PRDM6: variants seen among roughly 807,000 people sequenced by gnomAD.
PRDM6 encodes putative histone-lysine N-methyltransferase PRDM6.
A neutral mutation model predicts 60.8 loss-of-function variants in PRDM6; 25 were observed. The observed-to-expected ratio is 0.41, with a 90% CI of 0.30 to 0.57. The LOEUF is 0.57. Ranked by LOEUF, PRDM6 falls within the 20% of genes least tolerant of loss-of-function variation. The pLI is 0.27. For missense variants in PRDM6, 839 were observed against 821.3 expected, an observed-to-expected ratio of 1.02 and a Z score of -0.26; for synonymous variants, 407 against 357.4, an observed-to-expected ratio of 1.14 and a Z score of -1.57.
chr5:123,172,981 G>A (rs922124786), intron 6 of PRDM6, among the ~76,000 whole-genome samples: 1 of 152,150 alleles, frequency 6.6e-6, no homozygotes, highest in Non-Finnish European at 1.5e-5. Context: ...CACGAGGTCA[G>A]GAGATCCAGA....
chr5:123,142,258 C>T (rs964673782), intron 3 of PRDM6, among the ~76,000 whole-genome samples: 1 of 151,680 alleles, frequency 6.6e-6, no homozygotes, highest in African/African-American at 2.4e-5. Context: ...TTCATAGGGT[C>T]ATGGAAATGG....
chr5:123,101,970 T>C (rs1336792507), intron 3 of PRDM6, among the ~76,000 whole-genome samples: 1 of 152,204 alleles, frequency 6.6e-6, no homozygotes, highest in Admixed American at 6.5e-5. Context: ...TCAGGGCATG[T>C]GAGTTGAGTG....
intron 5 of PRDM6, among the ~76,000 whole-genome samples, chr5:123,168,355 A>G (rs1248881867): frequency 1.3e-5 from 2 of 152,190 alleles, no homozygotes; most frequent in Admixed American, 1.3e-4. Flanking sequence ...ATTTCGAAAC[A>G]CAGCTATTGA....
intron 5 of PRDM6, among the ~76,000 whole-genome samples, chr5:123,167,333 G>A (rs975122143): frequency 6.7e-6 from 1 of 150,120 alleles, no homozygotes; most frequent in Non-Finnish European, 1.5e-5. Flanking sequence ...ACATTCTTTT[G>A]TTTTAATATA....
In PRDM6 at chr5:123,090,639, G is replaced by C. The variant is rs976008696; in HGVS notation, c.592+33G>C. On this transcript the variant is annotated intron_variant, in intron 2 of 7. Transcript: ENST00000407847. ...GCCGCAGCCCGCGCGCTCTCTCCCG[G>C]GGCGCCGGCGCCGGCGCCGGCGGGC... 3.4e-6 allele frequency: 5 copies of C among 1,453,330 alleles called. No homozygotes were observed. In the African/African-American group the frequency reaches 5.9e-5, roughly 17 times the overall value. 90.0% of individuals were successfully genotyped at this position (1,453,330 alleles called of 1,614,324 possible).
intron 5 of PRDM6, among the ~76,000 whole-genome samples, chr5:123,168,594 G>A (rs1346876820): frequency 1.3e-5 from 2 of 152,204 alleles, no homozygotes; most frequent in African/African-American, 2.4e-5. Context: ...TTTAAAAAAT[G>A]TAGATGCCCA....
At chr5:123,162,272 G>A (rs1765652605) in intron 5 of PRDM6, among the ~76,000 whole-genome samples, 1 of 152,180 alleles carries the variant, frequency 6.6e-6, no homozygotes, top group Non-Finnish European at 1.5e-5. Context: ...TGAGGGGTTG[G>A]AGTAGAGCAT....
intron 3 of PRDM6, among the ~76,000 whole-genome samples, chr5:123,134,782 G>A (rs1199267835): frequency 6.6e-6 from 1 of 152,074 alleles, no homozygotes; most frequent in African/African-American, 2.4e-5. Flanking sequence ...TTAATTCTTT[G>A]AGTACATTTA....
At chr5:123,095,534 A>C (rs968930940) in intron 2 of PRDM6, among the ~76,000 whole-genome samples, 1 of 152,220 alleles carries the variant, frequency 6.6e-6, no homozygotes, top group African/African-American at 2.4e-5. Context: ...CGGCACTGCC[A>C]GCAGGCGGCA....
intron 6 of PRDM6, among the ~76,000 whole-genome samples, chr5:123,175,278 G>A (rs1765979735): frequency 6.6e-6 from 1 of 150,734 alleles, no homozygotes; most frequent in Non-Finnish European, 1.5e-5. Context: ...CTTTTTGACT[G>A]TTTGTGCCAC....
rs1764058868 is a variant in PRDM6, at chr5:123,099,853, G to A, written c.792G>A (p.Ala264=). 5 of 1,550,524 alleles carry A rather than the reference G, an allele frequency of 3.2e-6. No homozygotes were observed. The highest frequency in any genetic ancestry group is 4.4e-6 in the Non-Finnish European group (5 of 1,146,778). Reference sequence around the variant, plus strand: ...CCGGCCTGGCCTACGGCATCTGCGCGGCGCAGAGGATCCAGCAAGGCACCT... The same window carrying A: ...CCGGCCTGGCCTACGGCATCTGCGCAGCGCAGAGGATCCAGCAAGGCACCT... ...TVPGLAYGIC[A]AQRIQQGTWI... The change falls in exon 3 of 8, where the codon GCG becomes GCA. Residue 264 remains alanine, a synonymous_variant. Transcript: ENST00000407847. This position sits in a 1 kb window ranked among gnomAD's most constrained non-coding sequence, Gnocchi z 4.0.
At chr5:123,149,987 A>G (rs1393392290) in intron 3 of PRDM6, among the ~76,000 whole-genome samples, 2 of 152,188 alleles carry the variant, frequency 1.3e-5, no homozygotes, top group Admixed American at 6.5e-5. Flanking sequence ...TATGCTGCGC[A>G]TAATATATTG....
chr5:123,100,548 T>C (rs796236226), intron 3 of PRDM6, among the ~76,000 whole-genome samples: 22 of 152,188 alleles, frequency 1.4e-4, no homozygotes, highest in African/African-American at 5.3e-4. Flanking sequence ...ATATTGGGAA[T>C]CAAAGGGCCC....
At chr5:123,122,164 C>CACAA (rs1764596510) in intron 3 of PRDM6, among the ~76,000 whole-genome samples, 4 of 98,906 alleles carry the variant, frequency 4.0e-5, no homozygotes, top group East Asian at 3.6e-4. Flanking sequence ...CTCCATCTGA[C>CACAA]AAAAAAAAAA....
chr5:123,187,823 A>T lies in PRDM6; in HGVS notation c.*622A>T, dbSNP rs527421863. 4 of 152,388 alleles carry T rather than the reference A, an allele frequency of 2.6e-5. No individual in the cohort carries two copies. In the South Asian group the frequency reaches 8.3e-4, roughly 32 times the overall value. The allele number at this position is 152,388 out of a possible 1,614,324, so 9.4% of individuals were successfully genotyped here. ...CTTCCAAACAGCCCGGTCTTGATGC[A>T]GGAGAGTCTGGAAAAGGAAGAAAAT... On this transcript the variant is annotated 3_prime_UTR_variant, in exon 8 of 8. Coordinates refer to ENST00000407847, the MANE Select transcript of PRDM6 (RefSeq NM_001136239.4).
chr5:123,164,827 T>C (rs190469822), intron 5 of PRDM6, among the ~76,000 whole-genome samples: 1 of 151,886 alleles, frequency 6.6e-6, no homozygotes, highest in East Asian at 1.9e-4. Flanking sequence ...CTCGGATGAG[T>C]TGTTTCCAGG....
intron 2 of PRDM6, among the ~76,000 whole-genome samples, chr5:123,098,971 C>T (rs2546343): frequency 0.65 from 98,211 of 151,622 alleles, 32,578 homozygotes; most frequent in Middle Eastern, 0.74. Flanking sequence ...TGCTCTGCCC[C>T]GTCCCGTGGC....
chr5:123,174,310 T>TA (rs1765958339), intron 6 of PRDM6, among the ~76,000 whole-genome samples: 1 of 152,238 alleles, frequency 6.6e-6, no homozygotes, highest in African/African-American at 2.4e-5. Flanking sequence ...AGCTGGCCTT[T>TA]AGTCTTTAGC....
At chr5:123,167,575 G>A (rs1467321599) in intron 5 of PRDM6, among the ~76,000 whole-genome samples, 1 of 152,060 alleles carries the variant, frequency 6.6e-6, no homozygotes, top group African/African-American at 2.4e-5. Flanking sequence ...TTTTAGTAGA[G>A]ACAGGGTTTC....
Sources: gnomAD v4.1 joint callset for allele counts (sites outside exome capture counted in the v4.1 genomes callset) on GRCh38, gnomAD v4.1.1 for gene constraint, Gnocchi (gnomAD v3.1) non-coding constraint, MANE v1.5 for transcripts, NCBI Gene and HGNC (gene_info 2026-07-23, HGNC 2026-07-21) for gene names.